PKP3: variants seen among roughly 807,000 people sequenced by gnomAD.
The protein encoded by PKP3 is plakophilin 3.
A neutral mutation model predicts 76.5 loss-of-function variants in PKP3; 66 were observed. That is an observed-to-expected ratio of 0.86 (90% confidence interval 0.71 to 1.06). The LOEUF (loss-of-function observed/expected upper bound fraction) is 1.06. Among genes scored for constraint, PKP3 ranks in the 50% least tolerant of loss-of-function variants. The probability of loss-of-function intolerance (pLI) is 0.00; values close to 1 mark genes in which losing one functional copy is unlikely to be tolerated. For missense variants in PKP3, 1,338 were observed against 1,141.0 expected, an observed-to-expected ratio of 1.17 and a Z score of -2.49; for synonymous variants, 638 against 516.5, an observed-to-expected ratio of 1.24 and a Z score of -3.19.
rs1411071885 is a variant in PKP3 at position 399,288 on chromosome 11, C to G, written c.1273+92C>G. ...TTCCTCCCCACCTGCCCCCCTCCAC[C>G]TGCCCACCATCTGCCCCCCTTCTCC... On this transcript the variant is annotated intron_variant, in intron 5 of 12. Coordinates refer to ENST00000331563, the MANE Select transcript of PKP3 (RefSeq NM_007183.4). The G allele has an allele frequency of 5.2e-6, 3 of 574,020 alleles. No homozygotes were observed. In the African/African-American group the frequency reaches 7.6e-5, roughly 15 times the overall value. The allele number at this position is 574,020 out of a possible 1,614,324, so 35.6% of individuals were successfully genotyped here.
Position 404,690 on chromosome 11 carries a change from GC to G in PKP3, c.*125del. 1.2e-6 allele frequency: 1 copy of G among 869,272 alleles called. No homozygotes were observed. The highest frequency in any genetic ancestry group is 1.8e-6 in the Non-Finnish European group (1 of 543,224). 53.8% of individuals were successfully genotyped at this position (869,272 alleles called of 1,614,324 possible). On this transcript the variant is annotated 3_prime_UTR_variant, in exon 13 of 13. Coordinates refer to ENST00000331563, the MANE Select transcript of PKP3 (RefSeq NM_007183.4). The surrounding 1 kb of genome is among the most constrained non-coding windows in gnomAD (Gnocchi z 4.2). ...AATGACGGAGGGGCCCCTCGCTGGG[GC>G]CCCTGTGTGCATCTTTGAGGGTCCT...
chr11:397,500 A>T, intron 3 of PKP3, 39 bp from the exon 4 acceptor site: 1 of 1,611,828 alleles, frequency 6.2e-7, no homozygotes, highest in Non-Finnish European at 8.5e-7. Flanking sequence ...CCCAGCCTGA[A>T]CCCAAAGTTA....
Position 394,282 on chromosome 11 carries a change from G to A in PKP3, c.-11G>A. 1 of 1,500,696 alleles carries A rather than the reference G, an allele frequency of 6.7e-7. No individual in the cohort carries two copies. The highest frequency in any genetic ancestry group is 8.8e-7 in the Non-Finnish European group (1 of 1,131,556). The allele number at this position is 1,500,696 out of a possible 1,614,324, so 93.0% of individuals were successfully genotyped here. A position where few individuals can be genotyped will look rare whatever the true frequency, so the allele number is the denominator to read the frequency against. On this transcript the variant is annotated 5_prime_UTR_variant, in exon 1 of 13. Coordinates refer to ENST00000331563, the MANE Select transcript of PKP3 (RefSeq NM_007183.4). ...GCGGCCGCCAGGCCCAGGCCCGGTG[G>A]ACCTGCCGCCATGCAGGACGGTAAC...
Position 394,522 on chromosome 11 carries a change from G to A in PKP3, c.230G>A (p.Arg77Lys). 1 of 1,377,860 alleles carries A rather than the reference G, an allele frequency of 7.3e-7. No individual in the cohort carries two copies. The highest frequency in any genetic ancestry group is 9.3e-7 in the Non-Finnish European group (1 of 1,072,904). 85.4% of individuals were successfully genotyped at this position (1,377,860 alleles called of 1,614,324 possible). A position where few individuals can be genotyped will look rare whatever the true frequency, so the allele number is the denominator to read the frequency against. The change falls in exon 1 of 13, where the codon AGA becomes AAA. Residue 77 changes from arginine (R) to lysine (K), a missense_variant and splice_region_variant. Arg to Lys is a conservative substitution (Grantham distance 26). Coordinates refer to ENST00000331563, the MANE Select transcript of PKP3 (RefSeq NM_007183.4). ...AEPEPEAETA[R>K]GTSRGQYHTL... ...CCCGAGCCTGAGGCCGAGACTGCCA[G>A]AGGTAGGCGGTGGGGACAGCGGCGG...
intron 9 of PKP3, 59 bp downstream of exon 9, chr11:403,322 A>G (rs543247977): frequency 3.7e-6 from 4 of 1,092,194 alleles, no homozygotes; most frequent in African/African-American, 1.6e-5. Context: ...TGAGGGGGGG[A>G]CAGAGGAGGG....
At chr11:393,025 T>C (rs991713394), upstream of PKP3, among the ~76,000 whole-genome samples, 119 of 151,960 alleles carry the variant, frequency 7.8e-4, no homozygotes, top group African/African-American at 2.7e-3. Context: ...AAGCAGAGGC[T>C]GTCCGATGAG....
chr11:403,287 A>T, intron 9 of PKP3, 24 bp downstream of exon 9: 1 of 1,493,972 alleles, frequency 6.7e-7, no homozygotes, highest in Admixed American at 2.2e-5. Flanking sequence ...CCCAGACCCG[A>T]GGGGGTCCCA....
chr11:395,107 C>T, intron 1 of PKP3, among the ~76,000 whole-genome samples: 1 of 152,126 alleles, frequency 6.6e-6, no homozygotes, highest in East Asian at 1.9e-4. Flanking sequence ...CGGTGCCAGC[C>T]AGACCCACCT....
rs1236258458 is a variant in PKP3, at chr11:400,548, C to T, written c.1580C>T (p.Ala527Val). 5.3e-6 allele frequency: 8 copies of T among 1,495,374 alleles called. No homozygotes were observed. Among genetic ancestry groups the T allele is most frequent in the African/African-American group, 1.4e-5 (1 of 69,352 alleles). The allele number at this position is 1,495,374 out of a possible 1,614,324, so 92.6% of individuals were successfully genotyped here. A position where few individuals can be genotyped will look rare whatever the true frequency, so the allele number is the denominator to read the frequency against. Residue 527 changes from alanine to valine, a missense_variant, in exon 8 of 13, where the codon GCG becomes GTG. Coordinates refer to ENST00000331563, the MANE Select transcript of PKP3 (RefSeq NM_007183.4). ...CCCCGCCCGCAGAGCGTGGAGAACG[C>T]GGTGTGCGTCCTGCGGAACCTGTCC... Reference protein sequence around the residue: ...GKCEDKSVENAVCVLRNLSYR... With the variant: ...GKCEDKSVENVVCVLRNLSYR...
rs775824359 is a variant in PKP3, at chr11:400,061, G to T, written c.1368G>T (p.Leu456=). ...EQLTDLVLSP[L]SGAGGPPLIQ... ...TCACAGACCTGGTGTTGAGCCCCCT[G>T]TCGGGGGCTGGGGGTCCCCCCCTCA... The change falls in exon 6 of 13, where the codon CTG becomes CTT. Residue 456 remains leucine, a synonymous_variant. Coordinates refer to ENST00000331563, the MANE Select transcript of PKP3 (RefSeq NM_007183.4). The T allele has an allele frequency of 6.2e-7, 1 of 1,603,408 alleles. No homozygotes were observed. Among genetic ancestry groups the T allele is most frequent in the Non-Finnish European group, 8.5e-7 (1 of 1,176,254 alleles).
chr11:394,081 T>G, upstream of PKP3: 1 of 651,810 alleles, frequency 1.5e-6, no homozygotes, highest in Non-Finnish European at 2.3e-6. Context: ...CCGCCCAAAT[T>G]CCACCTTAAG....
Position 394,504 on chromosome 11 carries a change from C to T in PKP3, c.212C>T (p.Pro71Leu). 1 of 1,392,300 alleles carries T rather than the reference C, an allele frequency of 7.2e-7. No homozygotes were observed. The highest frequency in any genetic ancestry group is 1.6e-5 in the South Asian group (1 of 63,664). 86.2% of individuals were successfully genotyped at this position (1,392,300 alleles called of 1,614,324 possible). The change falls in exon 1 of 13, where the codon CCT (proline) becomes CTT (leucine). Residue 71 changes from proline (P) to leucine (L), a missense_variant. Transcript: ENST00000331563. ...CACAACGGGGCCGCTGAGCCCGAGC[C>T]TGAGGCCGAGACTGCCAGAGGTAGG... ...PRHNGAAEPE[P>L]EAETARGTSR...
Position 396,594 on chromosome 11 carries a change from G to A in PKP3, c.233-14G>A, listed in dbSNP as rs199603099. 1.8e-5 allele frequency: 28 copies of A among 1,584,542 alleles called. No homozygotes were observed. The highest frequency in any genetic ancestry group is 4.0e-5 in the African/African-American group (3 of 74,114). ...TGTGTGGCAGAGCTGGGCTACCACC[G>A]TCCCTCTCCACAGGCACATCCAGGG... On this transcript the variant is annotated splice_polypyrimidine_tract_variant and intron_variant, in intron 1 of 12. Coordinates refer to ENST00000331563, the MANE Select transcript of PKP3 (RefSeq NM_007183.4).
Position 396,691 on chromosome 11 carries a change from A to G in PKP3, c.312+4A>G. 1 of 1,608,646 alleles carries G rather than the reference A, an allele frequency of 6.2e-7. No individual in the cohort carries two copies. Among genetic ancestry groups the G allele is most frequent in the African/African-American group, 1.3e-5 (1 of 74,980 alleles). On this transcript the variant is annotated splice_donor_region_variant and intron_variant, in intron 2 of 12. Coordinates refer to ENST00000331563, the MANE Select transcript of PKP3 (RefSeq NM_007183.4). ...CCTGAGTGGGGACAAGACCTCGGTG[A>G]GCGATGGGCCCAGCCCGAGGGGGAC...
At chr11:400,246 G>A (rs888343700) in intron 6 of PKP3, 88 bp from the exon 7 acceptor site, 1 of 1,418,786 alleles carries the variant, frequency 7.0e-7, no homozygotes, top group African/African-American at 1.4e-5. Flanking sequence ...CCTCGCGCTG[G>A]GGATGGGCGT....
intron 9 of PKP3, 51 bp downstream of exon 9, chr11:403,314 AG>A (rs1847189259): frequency 6.3e-5 from 69 of 1,090,542 alleles, no homozygotes; most frequent in Non-Finnish European, 7.6e-5. Context: ...CATGCGGTTG[AG>A]GGGGGGACAG....
At chr11:399,734 C>T (rs1042378503) in intron 5 of PKP3, among the ~76,000 whole-genome samples, 1 of 150,624 alleles carries the variant, frequency 6.6e-6, no homozygotes, top group African/African-American at 2.5e-5. Flanking sequence ...TCCTTGGAGC[C>T]GCCTGCACTG....
Position 397,349 on chromosome 11 carries a change from G to C in PKP3, c.848G>C (p.Ser283Thr). 1.9e-6 allele frequency: 3 copies of C among 1,590,258 alleles called. No homozygotes were observed. The highest frequency in any genetic ancestry group is 2.6e-6 in the Non-Finnish European group (3 of 1,170,370). The change falls in exon 3 of 13, where the codon AGC becomes ACC. Residue 283 changes from serine to threonine, a missense_variant. Coordinates refer to ENST00000331563, the MANE Select transcript of PKP3 (RefSeq NM_007183.4). ...GTGGCTCGAGCGCCATCTGTGCGCA[G>C]CCTCAGCCTCAGCCTGGCTGACTCG... ...EPVARAPSVRSLSLSLADSGH... is the reference protein window; with the variant it reads ...EPVARAPSVRTLSLSLADSGH...
intron 1 of PKP3, among the ~76,000 whole-genome samples, 194 bp downstream of exon 1, chr11:394,718 G>A (rs912080919): frequency 4.6e-5 from 7 of 152,212 alleles, no homozygotes; most frequent in African/African-American, 9.6e-5. Context: ...CAGGGACCCC[G>A]GGGTCCTCCA....
Sources: allele counts gnomAD v4.1 joint callset (sites outside exome capture counted in the v4.1 genomes callset), GRCh38; gene constraint gnomAD v4.1.1; non-coding constraint Gnocchi (gnomAD v3.1); transcripts MANE v1.5; gene names NCBI Gene and HGNC (gene_info 2026-07-23, HGNC 2026-07-21).